KCNC2: variants seen among roughly 807,000 people sequenced by gnomAD.
KCNC2 encodes the protein voltage-gated potassium channel KCNC2.
A neutral mutation model predicts 44.5 loss-of-function variants in KCNC2; 21 were observed. The ratio of observed to expected loss-of-function variants is 0.47; its 90% CI spans 0.33 to 0.68. The LOEUF (loss-of-function observed/expected upper bound fraction) is 0.68, where lower values mean the gene tolerates loss of function less well. Among genes scored for constraint, KCNC2 ranks in the 30% least tolerant of loss-of-function variants. KCNC2 has a pLI of 0.01. For missense variants in KCNC2, 589 were observed against 826.2 expected, an observed-to-expected ratio of 0.71 and a Z score of 3.52; for synonymous variants, 391 against 339.1, an observed-to-expected ratio of 1.15 and a Z score of -1.68.
intron 2 of KCNC2, among the ~76,000 whole-genome samples, chr12:75,178,250 G>C (rs1343655137): frequency 1.3e-5 from 2 of 151,972 alleles, no homozygotes; most frequent in Non-Finnish European, 2.9e-5. Flanking sequence ...CAATTCCACT[G>C]TACCAAAGAA....
chr12:75,120,336 C>T (rs983665418), intron 2 of KCNC2, among the ~76,000 whole-genome samples: 1 of 152,174 alleles, frequency 6.6e-6, no homozygotes, highest in Non-Finnish European at 1.5e-5. Context: ...GGCAGAAAGC[C>T]TCCTGCCCTG....
intron 4 of KCNC2, among the ~76,000 whole-genome samples, chr12:75,044,025 C>T (rs575852900): frequency 6.3e-4 from 95 of 151,978 alleles, no homozygotes; most frequent in African/African-American, 2.0e-3. Context: ...ATGATAGCTA[C>T]GAACTTACAA....
chr12:75,076,433 C>A (rs1883985888), intron 2 of KCNC2, among the ~76,000 whole-genome samples: 1 of 152,050 alleles, frequency 6.6e-6, no homozygotes, highest in Non-Finnish European at 1.5e-5. Context: ...CTACCACGCC[C>A]GGCTAATTTT....
At chr12:75,128,485 T>C (rs945451446) in intron 2 of KCNC2, among the ~76,000 whole-genome samples, 7 of 152,256 alleles carry the variant, frequency 4.6e-5, no homozygotes, top group Non-Finnish European at 1.0e-4. Flanking sequence ...AAAGAAGGGA[T>C]TAAATAAAAC....
At position 75,050,746 on chromosome 12, in the gene KCNC2, T is replaced by G. The variant is rs1881080593; in HGVS notation, c.1259A>C (p.Gln420Pro). ...GAACCCAATGGGAATGTTTTTGAAC[T>G]GTGTGTGCTCACTAGCTGAAGGGTC... ...PNDPSASEHT[Q>P]FKNIPIGFWW... The change falls in exon 3 of 5, where the codon CAG (glutamine) becomes CCG (proline). Residue 420 changes from glutamine to proline, a missense_variant. By Grantham distance (76) the Gln-to-Pro change is moderately conservative. This residue lies in a region of KCNC2 where 67 missense variants were observed against 237.4 expected (regional missense o/e 0.28). Coordinates refer to ENST00000549446, the MANE Select transcript of KCNC2 (RefSeq NM_139137.4). The G allele has an allele frequency of 6.2e-7, 1 of 1,613,432 alleles. No individual in the cohort carries two copies. The highest frequency in any genetic ancestry group is 1.1e-5 in the South Asian group (1 of 91,060).
intron 2 of KCNC2, among the ~76,000 whole-genome samples, chr12:75,074,086 T>G (rs1290748584): frequency 6.6e-6 from 1 of 152,110 alleles, no homozygotes; most frequent in Non-Finnish European, 1.5e-5. Flanking sequence ...AAAGTAGATT[T>G]AGAGTTTAAA....
intron 2 of KCNC2, among the ~76,000 whole-genome samples, chr12:75,061,710 T>C (rs1882360486): frequency 6.6e-6 from 1 of 151,836 alleles, no homozygotes; most frequent in Non-Finnish European, 1.5e-5. Flanking sequence ...TAACAGTGAG[T>C]CCTAACGTCA....
chr12:75,110,416 C>G (rs1887138896), intron 2 of KCNC2, among the ~76,000 whole-genome samples: 1 of 151,990 alleles, frequency 6.6e-6, no homozygotes. Flanking sequence ...AGTCAAGAAC[C>G]CATCCCCAGA....
intron 2 of KCNC2, among the ~76,000 whole-genome samples, chr12:75,099,083 A>G (rs1886166853): frequency 6.6e-6 from 1 of 152,190 alleles, no homozygotes. Context: ...CTAAAAACAC[A>G]CATCTTAAAA....
intron 2 of KCNC2, among the ~76,000 whole-genome samples, chr12:75,128,523 C>A: frequency 6.6e-6 from 1 of 151,926 alleles, no homozygotes; most frequent in Non-Finnish European, 1.5e-5. Context: ...TCTTTGTTCC[C>A]AAAGACAGCA....
At chr12:75,055,893 T>C (rs927299850) in intron 2 of KCNC2, among the ~76,000 whole-genome samples, 3 of 152,084 alleles carry the variant, frequency 2.0e-5, no homozygotes, top group African/African-American at 7.2e-5. Context: ...ATATTTTTAT[T>C]TTCCTCATTT....
At chr12:75,077,365 A>G (rs567984993) in intron 2 of KCNC2, among the ~76,000 whole-genome samples, 65 of 152,304 alleles carry the variant, frequency 4.3e-4, no homozygotes, top group South Asian at 8.3e-4. Flanking sequence ...ATGGTTCTGA[A>G]TGACTCATAC....
rs35026221 is a variant in KCNC2, at chr12:75,107,711, GAA to G, written c.688-56396_688-56395del. ...TAAAAGGAATGTGGTGATGGCAACT[GAA>G]AAAAAAATCAATGTTTGAGTAAACT... On this transcript the variant is annotated intron_variant, in intron 2 of 4. Transcript: ENST00000549446. Among the ~76,000 whole-genome samples, 9 of 151,024 alleles carry G rather than the reference GAA, an allele frequency of 6.0e-5. No homozygotes were observed. The South Asian group carries it at 1.7e-3, about 28-fold the overall frequency.
rs527323748 is a variant in KCNC2 at position 75,040,980 on chromosome 12, T to G, written c.*2125A>C. On this transcript the variant is annotated 3_prime_UTR_variant, in exon 5 of 5. Coordinates refer to ENST00000549446, the MANE Select transcript of KCNC2 (RefSeq NM_139137.4). ...CAGTTGTTTCATGGACACTGGCCAGTCTACAAGCAGAGCACTCTCATGGGG... is the reference window on the plus strand; with the variant it reads ...CAGTTGTTTCATGGACACTGGCCAGGCTACAAGCAGAGCACTCTCATGGGG... The G allele has an allele frequency of 1.4e-6, 1 of 728,186 alleles. No individual in the cohort carries two copies. Among genetic ancestry groups the G allele is most frequent in the Non-Finnish European group, 2.4e-6 (1 of 421,408 alleles). 45.1% of individuals were successfully genotyped at this position (728,186 alleles called of 1,614,324 possible). A position where few individuals can be genotyped will look rare whatever the true frequency, so the allele number is the denominator to read the frequency against.
intron 2 of KCNC2, among the ~76,000 whole-genome samples, chr12:75,182,741 A>G (rs115293651): frequency 0.021 from 3,261 of 152,270 alleles, 106 homozygotes; most frequent in African/African-American, 0.074. Context: ...GCCGCACCCC[A>G]TAATCAAGCA....
chr12:75,164,564 G>T (rs1337456288), intron 2 of KCNC2, among the ~76,000 whole-genome samples: 1 of 151,682 alleles, frequency 6.6e-6, no homozygotes, highest in Non-Finnish European at 1.5e-5. Flanking sequence ...TCGATCCTCA[G>T]CTGGAGTGCA....
At chr12:75,062,990 T>A (rs1407133788) in intron 2 of KCNC2, among the ~76,000 whole-genome samples, 1 of 152,136 alleles carries the variant, frequency 6.6e-6, no homozygotes, top group Non-Finnish European at 1.5e-5. Context: ...AGCTCTTTGT[T>A]AATTGGAAAA....
intron 2 of KCNC2, among the ~76,000 whole-genome samples, chr12:75,205,414 T>C (rs1305606338): frequency 6.6e-6 from 1 of 152,192 alleles, no homozygotes; most frequent in Non-Finnish European, 1.5e-5. Context: ...CCAAAACAGA[T>C]GCAGATCAAA....
chr12:75,178,859 C>G (rs1892368656), intron 2 of KCNC2, among the ~76,000 whole-genome samples: 1 of 151,956 alleles, frequency 6.6e-6, no homozygotes, highest in Non-Finnish European at 1.5e-5. Context: ...TTTAAGCCCT[C>G]CTTGTTCAAA....
Sources: gnomAD v4.1 joint callset for allele counts (sites outside exome capture counted in the v4.1 genomes callset) on GRCh38, gnomAD v4.1.1 for gene constraint, gnomAD v4.1.1 regional missense constraint, MANE v1.5 for transcripts, NCBI Gene and HGNC (gene_info 2026-07-23, HGNC 2026-07-21) for gene names.